The following KCNIP1 variants were observed in gnomAD, a reference collection of about 807,000 sequenced individuals.
KCNIP1 encodes A-type potassium channel modulatory protein KCNIP1.
A neutral mutation model predicts 33.0 loss-of-function variants in KCNIP1; 18 were observed. The observed-to-expected ratio is 0.55, with a 90% CI of 0.38 to 0.81. KCNIP1 has a LOEUF of 0.81. Among genes scored for constraint, KCNIP1 ranks in the 30% least tolerant of loss-of-function variants. The probability of loss-of-function intolerance (pLI) is 0.00; values close to 1 mark genes in which losing one functional copy is unlikely to be tolerated. For missense variants in KCNIP1, 238 were observed against 271.6 expected (o/e 0.88, Z 0.87); for synonymous variants, 93 against 98.3 (o/e 0.95, Z 0.32).
chr5:170,391,289 C>T (rs1271475579), intron 1 of KCNIP1, among the ~76,000 whole-genome samples: 1 of 152,186 alleles, frequency 6.6e-6, no homozygotes, highest in African/African-American at 2.4e-5. Context: ...GGGCTCCTTG[C>T]TCGTGATACT....
chr5:170,595,678 T>G (rs1758418446), intron 1 of KCNIP1, among the ~76,000 whole-genome samples: 1 of 152,210 alleles, frequency 6.6e-6, no homozygotes, highest in African/African-American at 2.4e-5. Flanking sequence ...TTCTAACATC[T>G]CTGCAGGTTA....
At chr5:170,640,421 C>T (rs1358075163) in intron 1 of KCNIP1, among the ~76,000 whole-genome samples, 2 of 152,160 alleles carry the variant, frequency 1.3e-5, no homozygotes, top group Non-Finnish European at 2.9e-5. Flanking sequence ...CACCTGGAGC[C>T]GCCATCTTGA....
At chr5:170,644,687 A>T (rs1220328210) in intron 1 of KCNIP1, among the ~76,000 whole-genome samples, 1 of 152,262 alleles carries the variant, frequency 6.6e-6, no homozygotes, top group Non-Finnish European at 1.5e-5. Context: ...CAAATGGGCC[A>T]TCAGCAGGGG....
intron 1 of KCNIP1, among the ~76,000 whole-genome samples, chr5:170,592,096 C>T (rs1324399901): frequency 2.0e-5 from 3 of 152,170 alleles, no homozygotes; most frequent in Non-Finnish European, 4.4e-5. Context: ...TCTCCATATC[C>T]TCACCAACAC....
At chr5:170,586,114 G>C (rs554339738) in intron 1 of KCNIP1, among the ~76,000 whole-genome samples, 2 of 152,330 alleles carry the variant, frequency 1.3e-5, no homozygotes, top group East Asian at 3.9e-4. Context: ...CCACCCCACA[G>C]TGGTCATGTG....
intron 1 of KCNIP1, among the ~76,000 whole-genome samples, chr5:170,698,314 T>G (rs900516888): frequency 2.0e-5 from 3 of 152,164 alleles, no homozygotes; most frequent in Non-Finnish European, 2.9e-5. Context: ...AGTGGCAAAG[T>G]TGGGATCTTA....
intron 1 of KCNIP1, among the ~76,000 whole-genome samples, chr5:170,432,630 C>T (rs941950358): frequency 7.2e-5 from 11 of 152,146 alleles, no homozygotes; most frequent in South Asian, 2.1e-4. Context: ...CTGAAGCTGG[C>T]AAGTGTTCAT....
intron 1 of KCNIP1, among the ~76,000 whole-genome samples, chr5:170,612,008 T>C (rs75892144): frequency 0.021 from 3,157 of 152,318 alleles, 132 homozygotes; most frequent in African/African-American, 0.072. Context: ...CTGGAGTTCA[T>C]GTTCAAGTGA....
chr5:170,385,053 G>A (rs1223214719), intron 1 of KCNIP1, among the ~76,000 whole-genome samples: 4 of 152,172 alleles, frequency 2.6e-5, no homozygotes, highest in Admixed American at 6.5e-5. Flanking sequence ...TTTCTTCTGA[G>A]AAGGGCATCA....
chr5:170,686,793 A>C (rs1312950607), intron 1 of KCNIP1, among the ~76,000 whole-genome samples: 1 of 152,122 alleles, frequency 6.6e-6, no homozygotes, highest in East Asian at 1.9e-4. Flanking sequence ...TCCATGCAGC[A>C]CTCCACTGAG....
At chr5:170,696,123 CT>C (rs1762884314) in intron 1 of KCNIP1, among the ~76,000 whole-genome samples, 1 of 152,088 alleles carries the variant, frequency 6.6e-6, no homozygotes, top group Admixed American at 6.5e-5. Context: ...TATGCTTCAC[CT>C]CGTAGTGTTC....
chr5:170,472,240 GA>G (rs1756746381), intron 1 of KCNIP1, among the ~76,000 whole-genome samples: 1 of 152,170 alleles, frequency 6.6e-6, no homozygotes, highest in Non-Finnish European at 1.5e-5. Flanking sequence ...AAACCAGACA[GA>G]GCCACTGTGA....
At chr5:170,621,912 G>A (rs1176012949) in intron 1 of KCNIP1, among the ~76,000 whole-genome samples, 1 of 152,150 alleles carries the variant, frequency 6.6e-6, no homozygotes, top group Non-Finnish European at 1.5e-5. Context: ...CAAAACCTCT[G>A]TCCTCAAGCT....
chr5:170,615,388 C>T (rs192548064), intron 1 of KCNIP1, among the ~76,000 whole-genome samples: 163 of 152,284 alleles, frequency 1.1e-3, no homozygotes, highest in Non-Finnish European at 1.7e-3. Flanking sequence ...CAGAAGCACA[C>T]GGAACGCAGA....
At position 170,367,349 on chromosome 5, in the gene KCNIP1, A is replaced by AAAAGAAAGAAAGAAAG. The variant is rs57303478; in HGVS notation, c.88+13442_88+13457dup. Among the ~76,000 whole-genome samples, 207 of 76,924 alleles carry AAAAGAAAGAAAGAAAG rather than the reference A, an allele frequency of 2.7e-3. 3 individuals carry two copies. The highest frequency in any genetic ancestry group is 3.0e-3 in the Non-Finnish European group (122 of 40,586). The allele number at this position is 76,924 out of a possible 152,430, so 50.5% of individuals were successfully genotyped here. On this transcript the variant is annotated intron_variant, in intron 1 of 7. Transcript: ENST00000377360. ...GAAGAAAGAAGGAAAGAAGGAAAGA[A>AAAAGAAAGAAAGAAAG]AAAGAAAGAAAGAAAGAAAGAAAGA... is the stretch of plus-strand genomic sequence containing the variant.
At chr5:170,378,824 G>T in intron 1 of KCNIP1, 1 of 1,614,240 alleles carries the variant, frequency 6.2e-7, no homozygotes, top group Non-Finnish European at 8.5e-7. Context: ...CCTGGGGCCC[G>T]TAGAGGCGCT....
intron 1 of KCNIP1, among the ~76,000 whole-genome samples, chr5:170,419,045 G>A (rs548660319): frequency 1.6e-4 from 24 of 152,308 alleles, no homozygotes; most frequent in African/African-American, 5.1e-4. Flanking sequence ...AAAAAACAAG[G>A]GACAGAACAG....
chr5:170,441,798 A>C (rs545970593), intron 1 of KCNIP1, among the ~76,000 whole-genome samples: 2 of 152,016 alleles, frequency 1.3e-5, no homozygotes, highest in South Asian at 4.2e-4. Context: ...AAAAATACAA[A>C]AAAACTAGCT....
intron 1 of KCNIP1, among the ~76,000 whole-genome samples, chr5:170,539,320 A>T (rs1411519183): frequency 6.6e-6 from 1 of 152,158 alleles, no homozygotes; most frequent in Non-Finnish European, 1.5e-5. Flanking sequence ...TGGTCCTTGG[A>T]GTGAAATCCA....
Sources: gnomAD v4.1 joint callset for allele counts (sites outside exome capture counted in the v4.1 genomes callset) on GRCh38, gnomAD v4.1.1 for gene constraint, MANE v1.5 for transcripts, NCBI Gene and HGNC (gene_info 2026-07-23, HGNC 2026-07-21) for gene names.